Variants in SH3BGRL observed in about 807,000 individuals in gnomAD.
SH3BGRL encodes adapter SH3BGRL.
A neutral mutation model predicts 9.8 loss-of-function variants in SH3BGRL; 7 were observed. That is an observed-to-expected ratio of 0.72 (90% CI 0.41 to 1.35). SH3BGRL has a LOEUF of 1.35. Among genes scored for constraint, SH3BGRL ranks in the 40% most tolerant of loss-of-function variants. The pLI is 0.01. For synonymous variants in SH3BGRL, 36 were observed against 29.1 expected (o/e 1.24, Z -0.76); for missense variants, 73 against 84.4 (o/e 0.86, Z 0.53).
At chrX:81,263,223 A>T (rs2075746466) in intron 1 of SH3BGRL, among the ~76,000 whole-genome samples, 1 of 111,395 alleles carries the variant, frequency 9.0e-6, no homozygotes, top group South Asian at 3.8e-4. Flanking sequence ...AGGCAGCCTG[A>T]TCTGATCTGG....
intron 1 of SH3BGRL, among the ~76,000 whole-genome samples, chrX:81,207,777 T>C (rs2075551643): frequency 9.0e-6 from 1 of 111,667 alleles, no homozygotes; most frequent in Non-Finnish European, 1.9e-5. Context: ...AGACTCAAGA[T>C]CAGTGCTTTC....
Position 81,241,204 on chromosome X carries a change from T to G in SH3BGRL, c.46-35780T>G, listed in dbSNP as rs187805871. On this transcript the variant is annotated intron_variant, in intron 1 of 3. Transcript: ENST00000373212. ...CAGACCCTGCTGCCTCAGCTTCCTC[T>G]AGACTTTGTGCACTGAGGAGCATGA... Among the ~76,000 whole-genome samples the G allele has an allele frequency of 3.7e-3, 420 of 112,121 alleles. 1 individual carries two copies. The highest frequency in any genetic ancestry group is 6.7e-3 in the Non-Finnish European group (354 of 53,132).
chrX:81,243,542 G>T (rs1271594006), intron 1 of SH3BGRL, among the ~76,000 whole-genome samples: 1 of 111,228 alleles, frequency 9.0e-6, no homozygotes, highest in Non-Finnish European at 1.9e-5. Flanking sequence ...GAGTATAATT[G>T]TATTGTTTAT....
At chrX:81,231,007 A>C (rs1378574501) in intron 1 of SH3BGRL, among the ~76,000 whole-genome samples, 1 of 112,380 alleles carries the variant, frequency 8.9e-6, no homozygotes, top group African/African-American at 3.2e-5. Flanking sequence ...TGCTCGTTAG[A>C]ACAATATGTT....
intron 1 of SH3BGRL, among the ~76,000 whole-genome samples, chrX:81,212,813 T>C (rs766131685): frequency 8.9e-6 from 1 of 111,967 alleles, no homozygotes; most frequent in Admixed American, 9.5e-5. Flanking sequence ...GTGTGCACTT[T>C]CCAAAGTCAG....
intron 1 of SH3BGRL, among the ~76,000 whole-genome samples, chrX:81,260,126 T>C: frequency 8.9e-6 from 1 of 111,899 alleles, no homozygotes; most frequent in South Asian, 3.7e-4. Flanking sequence ...AACTTTAGAA[T>C]TAAGCATAAT....
rs141043859 is a variant in SH3BGRL, at chrX:81,267,315, C to T, written c.46-9669C>T. On this transcript the variant is annotated intron_variant, in intron 1 of 3. Transcript: ENST00000373212. ...TCAAAGGGAATGCTTCCAGTTATTG[C>T]CCATTCAGTATGACATCGGCTGTGG... Among the ~76,000 whole-genome samples, 10 of 111,898 alleles carry T rather than the reference C, an allele frequency of 8.9e-5. No homozygotes were observed. In the East Asian group the frequency reaches 2.8e-3, roughly 31 times the overall value.
intron 3 of SH3BGRL, among the ~76,000 whole-genome samples, chrX:81,286,372 G>GAGT (rs2075833870): frequency 9.2e-6 from 1 of 109,182 alleles, no homozygotes; most frequent in Non-Finnish European, 1.9e-5. Flanking sequence ...AGGAGCTCCG[G>GAGT]AGTCCATCTC....
chrX:81,254,405 C>T (rs960785665), intron 1 of SH3BGRL, among the ~76,000 whole-genome samples: 2 of 111,630 alleles, frequency 1.8e-5, no homozygotes, highest in African/African-American at 6.5e-5. Flanking sequence ...ATCTGGGGCA[C>T]ACCGCTGTGG....
chrX:81,228,326 C>T (rs1336678175), intron 1 of SH3BGRL, among the ~76,000 whole-genome samples: 1 of 111,585 alleles, frequency 9.0e-6, no homozygotes, highest in Non-Finnish European at 1.9e-5. Context: ...GAAGCAGGTG[C>T]TGGGAGCGGG....
At chrX:81,270,674 C>T (rs2075775301) in intron 1 of SH3BGRL, among the ~76,000 whole-genome samples, 1 of 112,063 alleles carries the variant, frequency 8.9e-6, no homozygotes, top group African/African-American at 3.2e-5. Flanking sequence ...AGTCAGGCTA[C>T]ACGGGGGTCA....
At chrX:81,293,958 T>C (rs191002005) in intron 3 of SH3BGRL, among the ~76,000 whole-genome samples, 1 of 111,507 alleles carries the variant, frequency 9.0e-6, no homozygotes, top group Admixed American at 9.5e-5. Flanking sequence ...GCCCTAGGGA[T>C]TTATAGAACT....
intron 1 of SH3BGRL, among the ~76,000 whole-genome samples, chrX:81,234,297 CTGCATTA>C (rs1191753702): frequency 8.9e-6 from 1 of 112,035 alleles, no homozygotes; most frequent in Non-Finnish European, 1.9e-5. Context: ...AAAATCATTT[CTGCATTA>C]TGCATTAATA....
At chrX:81,238,098 T>G in intron 1 of SH3BGRL, among the ~76,000 whole-genome samples, 1 of 109,937 alleles carries the variant, frequency 9.1e-6, no homozygotes. Flanking sequence ...GATTCCCAGG[T>G]ACTACATCAA....
Position 81,286,524 on chromosome X carries a change from AGAG to A in SH3BGRL, c.312+8114_312+8116del, listed in dbSNP as rs1224243304. 6.1e-3 allele frequency among the ~76,000 whole-genome samples: 567 copies of A among 92,709 alleles called. 8 individuals are homozygous for A. The highest frequency in any genetic ancestry group is 0.02 in the African/African-American group (530 of 26,231). 80.5% of individuals were successfully genotyped at this position (92,709 alleles called of 115,157 possible). ...AAAAAAAAAAAAAAAAAAAAAAAAA[AGAG>A]AGGGGAAAAGCAGGAAAGAAGGATG... On this transcript the variant is annotated intron_variant, in intron 3 of 3. Coordinates refer to ENST00000373212, the MANE Select transcript of SH3BGRL (RefSeq NM_003022.3).
chrX:81,221,776 G>C (rs766518660), intron 1 of SH3BGRL, among the ~76,000 whole-genome samples: 3 of 112,030 alleles, frequency 2.7e-5, no homozygotes, highest in Non-Finnish European at 5.6e-5. Flanking sequence ...AGGTAGAAAG[G>C]TCATGCAGTA....
intron 3 of SH3BGRL, among the ~76,000 whole-genome samples, chrX:81,280,201 C>G (rs1332906335): frequency 9.1e-6 from 1 of 110,169 alleles, no homozygotes; most frequent in East Asian, 2.9e-4. Flanking sequence ...TGAGCTCAGA[C>G]ATGCCCAGCC....
chrX:81,204,591 T>TA (rs369363488), intron 1 of SH3BGRL, among the ~76,000 whole-genome samples: 1,772 of 103,616 alleles, frequency 0.017, 37 homozygotes, highest in African/African-American at 0.054. Flanking sequence ...TGGTTGTCAT[T>TA]AAAAAAAAAA....
intron 1 of SH3BGRL, among the ~76,000 whole-genome samples, chrX:81,221,077 A>G (rs939796883): frequency 5.4e-5 from 6 of 111,741 alleles, no homozygotes; most frequent in African/African-American, 1.6e-4. Flanking sequence ...GAGGAGAAGA[A>G]TGTGTATTCT....
Sources: gnomAD v4.1 joint callset for allele counts (sites outside exome capture counted in the v4.1 genomes callset) on GRCh38, gnomAD v4.1.1 for gene constraint, MANE v1.5 for transcripts, NCBI Gene and HGNC (gene_info 2026-07-23, HGNC 2026-07-21) for gene names.